The following PTPRD variants were observed in gnomAD, a reference collection of about 807,000 sequenced individuals.
PTPRD encodes the protein protein tyrosine phosphatase receptor type D.
Under a neutral mutation model 214.5 loss-of-function variants are expected in PTPRD, and 34 were observed. The ratio of observed to expected loss-of-function variants is 0.16; its 90% confidence interval spans 0.12 to 0.21. PTPRD has a LOEUF of 0.21. Among genes scored for constraint, PTPRD ranks in the 10% least tolerant of loss-of-function variants. The pLI, the probability that PTPRD is intolerant of heterozygous loss-of-function variation, is 1.00. For synonymous variants in PTPRD, 1,128 were observed against 845.7 expected (o/e 1.33, Z -5.79); for missense variants, 2,545 against 2,398.7 (o/e 1.06, Z -1.27).
chr9:10,156,927 T>C (rs936945036), intron 3 of PTPRD, among the ~76,000 whole-genome samples: 1 of 152,212 alleles, frequency 6.6e-6, no homozygotes, highest in Middle Eastern at 3.2e-3. Context: ...TTAAAGTCTG[T>C]TTTGTCTGAA....
intron 39 of PTPRD, among the ~76,000 whole-genome samples, chr9:8,366,388 A>T (rs2079883633): frequency 6.6e-6 from 1 of 152,144 alleles, no homozygotes; most frequent in African/African-American, 2.4e-5. Flanking sequence ...TGTAGAGAAG[A>T]ATTTTGGGGG....
intron 5 of PTPRD, among the ~76,000 whole-genome samples, chr9:9,843,933 T>C (rs899815527): frequency 6.6e-6 from 1 of 152,020 alleles, no homozygotes; most frequent in Non-Finnish European, 1.5e-5. Flanking sequence ...TTAAGATTCA[T>C]TGGGGAAGAG....
chr9:8,744,838 C>T (rs12349665), intron 11 of PTPRD, among the ~76,000 whole-genome samples: 10,774 of 152,218 alleles, frequency 0.071, 1,014 homozygotes, highest in African/African-American at 0.22. Flanking sequence ...ATAATCCCAA[C>T]GTTGTCCTCA....
chr9:8,759,155 C>T (rs981047032), intron 11 of PTPRD, among the ~76,000 whole-genome samples: 2 of 152,054 alleles, frequency 1.3e-5, no homozygotes, highest in African/African-American at 4.8e-5. Context: ...CTCTGCCTCC[C>T]AAGTAGCTAG....
chr9:9,944,182 C>T (rs1377747619), intron 4 of PTPRD, among the ~76,000 whole-genome samples: 1 of 152,078 alleles, frequency 6.6e-6, no homozygotes, highest in Non-Finnish European at 1.5e-5. Context: ...CCTGTTTGCC[C>T]ATTCTTGCTT....
At chr9:10,231,979 A>AGT (rs1211615913) in intron 3 of PTPRD, among the ~76,000 whole-genome samples, 33 of 115,138 alleles carry the variant, frequency 2.9e-4, no homozygotes, top group East Asian at 1.0e-3. Context: ...AGAGAGAGAG[A>AGT]GAGAGAGAGA....
At chr9:9,690,032 G>T (rs1337002959) in intron 7 of PTPRD, among the ~76,000 whole-genome samples, 1 of 151,788 alleles carries the variant, frequency 6.6e-6, no homozygotes, top group Non-Finnish European at 1.5e-5. Flanking sequence ...GGGTTATATA[G>T]CAGTTCTATT....
chr9:9,395,682 T>G (rs2067523034), intron 9 of PTPRD, among the ~76,000 whole-genome samples: 1 of 152,060 alleles, frequency 6.6e-6, no homozygotes, highest in African/African-American at 2.4e-5. Flanking sequence ...AACTTTGGCA[T>G]CTACCCCCTT....
intron 7 of PTPRD, among the ~76,000 whole-genome samples, chr9:9,704,162 C>T (rs890775481): frequency 2.0e-5 from 3 of 152,076 alleles, no homozygotes; most frequent in East Asian, 1.9e-4. Context: ...AGTGGCTTTC[C>T]GTGGGTCTCC....
chr9:9,794,770 T>A (rs1430272964), intron 5 of PTPRD, among the ~76,000 whole-genome samples: 1 of 152,202 alleles, frequency 6.6e-6, no homozygotes, highest in Non-Finnish European at 1.5e-5. Context: ...AGTAAGTAAC[T>A]CAAACTGAGT....
At chr9:10,471,107 G>C (rs1385771566) in intron 2 of PTPRD, among the ~76,000 whole-genome samples, 2 of 151,940 alleles carry the variant, frequency 1.3e-5, no homozygotes, top group African/African-American at 4.8e-5. Flanking sequence ...AGAACACATG[G>C]ACACAGGGAG....
At chr9:9,681,577 C>CT in intron 7 of PTPRD, among the ~76,000 whole-genome samples, 1 of 151,702 alleles carries the variant, frequency 6.6e-6, no homozygotes, top group Non-Finnish European at 1.5e-5. Context: ...CCCATGTGAC[C>CT]TTTTCTCACT....
At position 9,516,962 on chromosome 9, in the gene PTPRD, G is replaced by C. The variant is rs571488447; in HGVS notation, c.-237+57770C>G. On this transcript the variant is annotated intron_variant, in intron 8 of 45. Transcript: ENST00000381196. ...CCAATCACTATAAATTTAGGTGATG[G>C]CCCAAAAATGAATAAGAAAACAAAT... Among the ~76,000 whole-genome samples, 95 of 152,142 alleles carry C rather than the reference G, an allele frequency of 6.2e-4. 1 individual carries two copies. Among genetic ancestry groups the C allele is most frequent in the Non-Finnish European group, 1.0e-3 (68 of 67,994 alleles).
At chr9:8,603,497 T>A (rs1368816604) in intron 14 of PTPRD, among the ~76,000 whole-genome samples, 1 of 151,014 alleles carries the variant, frequency 6.6e-6, no homozygotes, top group Admixed American at 6.6e-5. Context: ...TTCTCACTTA[T>A]TTGAGAACTT....
intron 7 of PTPRD, among the ~76,000 whole-genome samples, chr9:9,603,249 A>T (rs2154339117): frequency 1.3e-5 from 2 of 152,246 alleles, no homozygotes; most frequent in South Asian, 4.1e-4. Context: ...ACTAGACAGG[A>T]ATGGGGCAAT....
intron 11 of PTPRD, among the ~76,000 whole-genome samples, chr9:8,818,892 T>G (rs137964821): frequency 6.6e-6 from 1 of 152,148 alleles, no homozygotes; most frequent in Non-Finnish European, 1.5e-5. Context: ...ATTTAAACAA[T>G]TACTCCCGAA....
intron 2 of PTPRD, among the ~76,000 whole-genome samples, chr9:10,587,151 G>A (rs2074136996): frequency 2.0e-5 from 3 of 152,028 alleles, no homozygotes; most frequent in Admixed American, 6.6e-5. Context: ...CATTGTGACA[G>A]GTAATACACA....
intron 8 of PTPRD, among the ~76,000 whole-genome samples, chr9:9,559,217 C>T (rs1243677628): frequency 3.3e-5 from 5 of 152,042 alleles, no homozygotes; most frequent in Non-Finnish European, 7.4e-5. Context: ...GGTAAGTTGT[C>T]TACAGGATGA....
At chr9:10,075,240 C>G (rs146735858) in intron 3 of PTPRD, among the ~76,000 whole-genome samples, 2 of 151,854 alleles carry the variant, frequency 1.3e-5, no homozygotes, top group East Asian at 3.9e-4. Flanking sequence ...AAAATGAGAC[C>G]CCCCGAAGGT....
Sources: allele counts gnomAD v4.1 joint callset (sites outside exome capture counted in the v4.1 genomes callset), GRCh38; gene constraint gnomAD v4.1.1; transcripts MANE v1.5; gene names NCBI Gene and HGNC (gene_info 2026-07-23, HGNC 2026-07-21).